The following UPK3A variants were observed in gnomAD, a reference collection of about 807,000 sequenced individuals.
UPK3A encodes uroplakin-3a.
UPK3A carries 32 observed loss-of-function variants against 27.6 expected under a neutral mutation model. The ratio of observed to expected loss-of-function variants is 1.16; its 90% confidence interval spans 0.87 to 1.55. The LOEUF (loss-of-function observed/expected upper bound fraction) is 1.55. Among genes scored for constraint, UPK3A ranks in the 40% most tolerant of loss-of-function variants. UPK3A has a pLI of 0.00. For synonymous variants in UPK3A, 171 were observed against 163.9 expected (o/e 1.04, Z -0.33); for missense variants, 370 against 367.9 (o/e 1.01, Z -0.05).
At position 45,295,770 on chromosome 22, in the gene UPK3A, G is replaced by T; in HGVS notation, c.*51G>T. 1 of 1,609,036 alleles carries T rather than the reference G, an allele frequency of 6.2e-7. No homozygotes were observed. The highest frequency in any genetic ancestry group is 1.1e-5 in the South Asian group (1 of 90,902). Reference sequence around the variant, plus strand: ...CATCCTCCTCTCTGGCCTTGCCCCAGGCCCTGCAGCGGTGGTTGTCACACC... The same window carrying T: ...CATCCTCCTCTCTGGCCTTGCCCCATGCCCTGCAGCGGTGGTTGTCACACC... On this transcript the variant is annotated 3_prime_UTR_variant, in exon 6 of 6. Coordinates refer to ENST00000216211, the MANE Select transcript of UPK3A (RefSeq NM_006953.4).
In UPK3A at chr22:45,293,277, T is replaced by G. The variant is rs764136210; in HGVS notation, c.668T>G (p.Leu223Arg). 3.2e-5 allele frequency: 52 copies of G among 1,613,978 alleles called. No homozygotes were observed. Among genetic ancestry groups the G allele is most frequent in the Non-Finnish European group, 3.9e-5 (46 of 1,180,040 alleles). ...SILGSLPFFL[L>R]VGFAGAIALS... is the part of the protein sequence containing the mutation. The stretch of plus-strand genomic sequence containing the variant: ...CTGGGCTCCCTGCCCTTCTTTCTAC[T>G]TGTGGGTTTTGCTGGCGCCATTGCC... The change falls in exon 5 of 6, where the codon CTT becomes CGT. Residue 223 changes from leucine to arginine, a missense_variant. By Grantham distance (102) the Leu-to-Arg change is moderately radical (BLOSUM62 -2). Transcript: ENST00000216211.
chr22:45,294,429 C>A (rs139871687), intron 5 of UPK3A, among the ~76,000 whole-genome samples: 1 of 152,054 alleles, frequency 6.6e-6, no homozygotes, highest in Non-Finnish European at 1.5e-5. Flanking sequence ...CCCGGGAGAC[C>A]TCGAGTCCTC....
chr22:45,285,779 G>C (rs1354812972), intron 1 of UPK3A, among the ~76,000 whole-genome samples, 162 bp from the exon 2 acceptor site: 1 of 152,282 alleles, frequency 6.6e-6, no homozygotes, highest in Non-Finnish European at 1.5e-5. Flanking sequence ...TTTCTGAGCA[G>C]GATGACTGGG....
rs953656492 is a variant in UPK3A, at chr22:45,295,549, C to T, written c.705-11C>T. On this transcript the variant is annotated splice_polypyrimidine_tract_variant and intron_variant, in intron 5 of 5. Transcript: ENST00000216211. ...TCCCCTAATCCTGGGTCTTTCCATC[C>T]CCTTGGACAGGGACATGGGGAGTTC... 5 of 1,613,914 alleles carry T rather than the reference C, an allele frequency of 3.1e-6. No homozygotes were observed. The African/African-American group carries it at 6.7e-5, about 22-fold the overall frequency.
rs61062268 is a variant in UPK3A, at chr22:45,295,449, G to A, written c.705-111G>A. ...ATGGATTGATTGAATTCATGTCTAC[G>A]AAGACGATATCTGTGAAAGCTATGT... On this transcript the variant is annotated intron_variant, in intron 5 of 5. Transcript: ENST00000216211. 669 of 1,195,552 alleles carry A rather than the reference G, an allele frequency of 5.6e-4. 5 individuals carry two copies. The African/African-American group carries it at 8.4e-3, about 15-fold the overall frequency. 74.1% of individuals were successfully genotyped at this position (1,195,552 alleles called of 1,614,324 possible).
At chr22:45,286,149 C>T (rs2084116769) in intron 2 of UPK3A, 53 bp downstream of exon 2, 1 of 1,609,624 alleles carries the variant, frequency 6.2e-7, no homozygotes. Flanking sequence ...GACCTGTCTG[C>T]AGGGAGGAGG....
chr22:45,290,536 GTA>G (rs2084153288), intron 4 of UPK3A, among the ~76,000 whole-genome samples: 1 of 152,026 alleles, frequency 6.6e-6, no homozygotes, highest in African/African-American at 2.4e-5. Flanking sequence ...ACGGTGTTGC[GTA>G]TGTGTGTGAG....
chr22:45,293,082 T>A (rs552537578), intron 4 of UPK3A, 99 bp from the exon 5 acceptor site: 1 of 1,562,798 alleles, frequency 6.4e-7, no homozygotes, highest in Non-Finnish European at 8.6e-7. Context: ...CATCCCTGGA[T>A]CCCCGGCAGC....
chr22:45,290,213 G>C (rs2084150689), intron 4 of UPK3A, among the ~76,000 whole-genome samples: 1 of 152,202 alleles, frequency 6.6e-6, no homozygotes, highest in South Asian at 2.1e-4. Context: ...GGCCACGCCA[G>C]GGTCTTTGAT....
intron 5 of UPK3A, among the ~76,000 whole-genome samples, chr22:45,294,406 C>G (rs1488912971): frequency 8.0e-6 from 1 of 124,858 alleles, no homozygotes; most frequent in Non-Finnish European, 1.5e-5. Context: ...CCTGCTAACC[C>G]TGGTACACCC....
intron 3 of UPK3A, among the ~76,000 whole-genome samples, chr22:45,288,445 G>A (rs974598666): frequency 5.3e-5 from 8 of 152,126 alleles, no homozygotes; most frequent in African/African-American, 1.2e-4. Context: ...TGATCCGCCC[G>A]CCTCAGCCTC....
intron 5 of UPK3A, among the ~76,000 whole-genome samples, chr22:45,295,237 G>A (rs550386553): frequency 6.6e-6 from 1 of 152,070 alleles, no homozygotes; most frequent in African/African-American, 2.4e-5. Flanking sequence ...TCCCACCTGC[G>A]CTTGTCCATG....
chr22:45,295,418 A>T, intron 5 of UPK3A, 142 bp from the exon 6 acceptor site: 1 of 962,904 alleles, frequency 1.0e-6, no homozygotes, highest in South Asian at 1.3e-5. Context: ...TCAGTGCTCC[A>T]GAAAGATGGA....
At chr22:45,292,492 G>C (rs112947233) in intron 4 of UPK3A, among the ~76,000 whole-genome samples, 1 of 152,244 alleles carries the variant, frequency 6.6e-6, no homozygotes, top group African/African-American at 2.4e-5. Context: ...CCCCAGAAGA[G>C]TGACAGCCAC....
At chr22:45,289,961 T>TA (rs2084148725) in intron 4 of UPK3A, among the ~76,000 whole-genome samples, 1 of 152,182 alleles carries the variant, frequency 6.6e-6, no homozygotes, top group Non-Finnish European at 1.5e-5. Context: ...ACCCGGCATT[T>TA]ACGTCCTAAC....
intron 1 of UPK3A, 86 bp downstream of exon 1, chr22:45,285,151 C>T: frequency 7.7e-7 from 1 of 1,290,824 alleles, no homozygotes; most frequent in Non-Finnish European, 1.1e-6. Context: ...ACCCTGATTC[C>T]TGGCGCTGGG....
At chr22:45,286,209 C>G (rs1192840545) in intron 2 of UPK3A, 113 bp downstream of exon 2, 3 of 1,380,080 alleles carry the variant, frequency 2.2e-6, no homozygotes, top group Admixed American at 3.9e-5. Flanking sequence ...TCTCATTAAA[C>G]AGGTACTGCA....
rs771740292 is a variant in UPK3A at position 45,287,227 on chromosome 22, G to A, written c.264G>A (p.Thr88=). ...GCACCAACACCCCACTGGGCTCAAC[G>A]TTCCTACAAACAGAGGGTGGGAGGA... is the stretch of plus-strand genomic sequence containing the variant. ...QDSTNTPLGS[T]FLQTEGGRTG... The change falls in exon 3 of 6, where the codon ACG becomes ACA. Residue 88 remains threonine (T), a synonymous_variant. Transcript: ENST00000216211. 1.1e-5 allele frequency: 17 copies of A among 1,614,206 alleles called. No individual in the cohort carries two copies. The highest frequency in any genetic ancestry group is 1.3e-5 in the Non-Finnish European group (15 of 1,180,048).
chr22:45,285,475 G>T (rs957670010), intron 1 of UPK3A, among the ~76,000 whole-genome samples: 1 of 152,308 alleles, frequency 6.6e-6, no homozygotes, highest in Middle Eastern at 3.4e-3. Context: ...GGGAGCCTGT[G>T]GGGGAAGGGG....
Sources: allele counts gnomAD v4.1 joint callset (sites outside exome capture counted in the v4.1 genomes callset), GRCh38; gene constraint gnomAD v4.1.1; transcripts MANE v1.5; gene names NCBI Gene and HGNC (gene_info 2026-07-23, HGNC 2026-07-21).